DLGAP2: variants seen among roughly 807,000 people sequenced by gnomAD.
The protein encoded by DLGAP2 is disks large-associated protein 2.
In DLGAP2, 26 loss-of-function variants were observed where a neutral mutation model predicts 100.3. That is an observed-to-expected ratio of 0.26 (90% CI 0.19 to 0.36). The LOEUF (loss-of-function observed/expected upper bound fraction) is 0.36, where lower values mean the gene tolerates loss of function less well. Ranked by LOEUF, DLGAP2 falls within the 10% of genes least tolerant of loss-of-function variation. The pLI is 1.00. For missense variants in DLGAP2, 1,858 were observed against 1,453.2 expected (o/e 1.28, Z -4.53); for synonymous variants, 886 against 630.1 (o/e 1.41, Z -6.08).
At chr8:1,635,237 G>A (rs7817390) in intron 8 of DLGAP2, among the ~76,000 whole-genome samples, 54,171 of 151,982 alleles carry the variant, frequency 0.36, 12,755 homozygotes, top group African/African-American at 0.68. Context: ...CAAGATTATG[G>A]AAAAATACCA....
chr8:1,504,482 A>T (rs950559732), intron 4 of DLGAP2, among the ~76,000 whole-genome samples: 1 of 152,184 alleles, frequency 6.6e-6, no homozygotes, highest in African/African-American at 2.4e-5. Context: ...ACGTGGTACC[A>T]TAGACCTCGT....
At chr8:1,483,414 C>T (rs1037298599) in intron 3 of DLGAP2, among the ~76,000 whole-genome samples, 6 of 152,148 alleles carry the variant, frequency 3.9e-5, no homozygotes, top group African/African-American at 1.4e-4. Context: ...GTTGGCTTGA[C>T]GGACCCAGAA....
chr8:1,695,557 C>T (rs1210910989), intron 13 of DLGAP2, among the ~76,000 whole-genome samples: 2 of 140,904 alleles, frequency 1.4e-5, no homozygotes, highest in Non-Finnish European at 3.1e-5. Context: ...GAGGGCACAG[C>T]CATGCCCGGC....
rs1798948593 is a variant in DLGAP2, at chr8:931,219, A to G, written c.73+23253A>G. Reference sequence around the variant, plus strand: ...TGGTCCTGGGACAGGCGGGTGTCTGAGGGCTGAGGAGCAGCGTGTGCAGCT... The same window carrying G: ...TGGTCCTGGGACAGGCGGGTGTCTGGGGGCTGAGGAGCAGCGTGTGCAGCT... On this transcript the variant is annotated intron_variant, in intron 2 of 14. Coordinates refer to ENST00000637795, the MANE Select transcript of DLGAP2 (RefSeq NM_001346810.2). 2.6e-5 allele frequency among the ~76,000 whole-genome samples: 4 copies of G among 152,018 alleles called. No homozygotes were observed. The South Asian group carries it at 8.3e-4, about 32-fold the overall frequency.
At chr8:1,553,221 T>C (rs1416440802) in intron 5 of DLGAP2, among the ~76,000 whole-genome samples, 1 of 152,212 alleles carries the variant, frequency 6.6e-6, no homozygotes, top group Non-Finnish European at 1.5e-5. Context: ...GCCTCCTCTC[T>C]GCAGCCTCCC....
At chr8:1,126,120 G>A (rs894623931) in intron 2 of DLGAP2, among the ~76,000 whole-genome samples, 3 of 152,192 alleles carry the variant, frequency 2.0e-5, no homozygotes, top group Non-Finnish European at 2.9e-5. Context: ...TGGCCCCTGC[G>A]GTGAATACGT....
chr8:1,063,862 C>T lies in DLGAP2; in HGVS notation c.73+155896C>T, dbSNP rs369105442. On this transcript the variant is annotated intron_variant, in intron 2 of 14. Transcript: ENST00000637795. ...AGTGTTAAAATGGTGTCTGTTGTGG[C>T]CTTTAATTTGCTCATGAAGCAGAGC... Among the ~76,000 whole-genome samples, 29 of 152,254 alleles carry T rather than the reference C, an allele frequency of 1.9e-4. 1 individual carries two copies. The South Asian group carries it at 6.0e-3, about 32-fold the overall frequency.
At chr8:1,569,712 T>A (rs1035873038) in intron 6 of DLGAP2, among the ~76,000 whole-genome samples, 1 of 152,232 alleles carries the variant, frequency 6.6e-6, no homozygotes, top group Non-Finnish European at 1.5e-5. Flanking sequence ...GGAAATGAGG[T>A]GCTGGAGGCT....
Position 1,003,677 on chromosome 8 carries a change from C to G in DLGAP2, c.73+95711C>G, listed in dbSNP as rs539951113. On this transcript the variant is annotated intron_variant, in intron 2 of 14. Coordinates refer to ENST00000637795, the MANE Select transcript of DLGAP2 (RefSeq NM_001346810.2). Reference sequence around the variant, plus strand: ...GGAGATTTGACTGGGCAGTCAGGCACTCACTCACACAGGGCAGGTGGGGCT... The same window carrying G: ...GGAGATTTGACTGGGCAGTCAGGCAGTCACTCACACAGGGCAGGTGGGGCT... Among the ~76,000 whole-genome samples, 778 of 152,306 alleles carry G rather than the reference C, an allele frequency of 5.1e-3. 21 individuals carry two copies. The South Asian group carries it at 0.062, about 12-fold the overall frequency.
At chr8:998,532 C>T (rs1452033341) in intron 2 of DLGAP2, among the ~76,000 whole-genome samples, 2 of 151,402 alleles carry the variant, frequency 1.3e-5, no homozygotes, top group African/African-American at 2.4e-5. Flanking sequence ...TGAATTCCTG[C>T]GCTTAAGCAG....
chr8:1,496,676 G>A (rs1037245834), intron 3 of DLGAP2, among the ~76,000 whole-genome samples: 2 of 152,192 alleles, frequency 1.3e-5, no homozygotes, highest in African/African-American at 2.4e-5. Context: ...GGCCACAGGG[G>A]AGCAGGACAG....
At chr8:1,449,716 A>C (rs569243937) in intron 3 of DLGAP2, among the ~76,000 whole-genome samples, 1 of 152,300 alleles carries the variant, frequency 6.6e-6, no homozygotes, top group East Asian at 1.9e-4. Context: ...ACCAGCTGCC[A>C]GGACAAGCCT....
intron 1 of DLGAP2, among the ~76,000 whole-genome samples, chr8:828,104 C>T (rs1382469561): frequency 1.3e-5 from 2 of 152,144 alleles, no homozygotes; most frequent in African/African-American, 4.8e-5. Context: ...ACGGCGAGAT[C>T]ACAGGACCAC....
At chr8:1,153,883 G>A (rs1003347411) in intron 2 of DLGAP2, among the ~76,000 whole-genome samples, 3 of 152,172 alleles carry the variant, frequency 2.0e-5, no homozygotes, top group African/African-American at 7.2e-5. Flanking sequence ...TTACTGACAT[G>A]AAAATCAGTT....
At chr8:1,000,791 C>G (rs570361998) in intron 2 of DLGAP2, among the ~76,000 whole-genome samples, 1 of 152,096 alleles carries the variant, frequency 6.6e-6, no homozygotes, top group Non-Finnish European at 1.5e-5. Context: ...GGAGGTGGCT[C>G]CTCAAGACTC....
chr8:1,019,030 G>A (rs893551144), intron 2 of DLGAP2: 1 of 152,274 alleles, frequency 6.6e-6, no homozygotes. Flanking sequence ...AGGAGGCAGC[G>A]ACTGAGAAGG....
chr8:1,212,744 C>CCTCT (rs67758517), intron 2 of DLGAP2, among the ~76,000 whole-genome samples: 1 of 141,910 alleles, frequency 7.0e-6, no homozygotes, highest in Admixed American at 7.1e-5. Flanking sequence ...TTTGCCAAGA[C>CCTCT]CTCTCTCTCT....
intron 8 of DLGAP2, among the ~76,000 whole-genome samples, chr8:1,643,777 T>C (rs2469736): frequency 0.25 from 6 of 24 alleles, 3 homozygotes; most frequent in Non-Finnish European, 0.33. Context: ...AACCCGCCGG[T>C]CCTCACCTGT....
At chr8:1,322,596 G>A (rs892635275) in intron 3 of DLGAP2, among the ~76,000 whole-genome samples, 3 of 150,580 alleles carry the variant, frequency 2.0e-5, no homozygotes, top group Non-Finnish European at 4.4e-5. Context: ...AAATGTGTGC[G>A]CCCACCTGGC....
Sources: allele counts gnomAD v4.1 joint callset (sites outside exome capture counted in the v4.1 genomes callset), GRCh38; gene constraint gnomAD v4.1.1; transcripts MANE v1.5; gene names NCBI Gene and HGNC (gene_info 2026-07-23, HGNC 2026-07-21).